The following DOCK1 variants were observed in gnomAD, a reference collection of about 807,000 sequenced individuals.
The protein encoded by DOCK1 is dedicator of cytokinesis 1, also known as dedicator of cytokinesis protein 1.
A neutral mutation model predicts 262.7 loss-of-function variants in DOCK1; 138 were observed. That is an observed-to-expected ratio of 0.53 (90% CI 0.46 to 0.61). The LOEUF is 0.61. Among genes scored for constraint, DOCK1 ranks in the 20% least tolerant of loss-of-function variants. The pLI is 0.00. For missense variants in DOCK1, 1,908 were observed against 2,370.7 expected (o/e 0.80, Z 4.05); for synonymous variants, 866 against 867.4 (o/e 1.00, Z 0.03).
intron 23 of DOCK1, among the ~76,000 whole-genome samples, chr10:127,071,047 G>GACACACTT (rs896450624): frequency 2.0e-5 from 3 of 152,108 alleles, no homozygotes; most frequent in Admixed American, 6.5e-5. Flanking sequence ...CACAGATGAT[G>GACACACTT]ACACACTTGC....
chr10:127,363,716 A>T (rs994633896), intron 33 of DOCK1, among the ~76,000 whole-genome samples: 7 of 152,174 alleles, frequency 4.6e-5, no homozygotes, highest in African/African-American at 1.4e-4. Context: ...TTCATTGGTC[A>T]TCTTCATCAT....
chr10:127,429,092 CGTGTGGATTGGGATGCT>C (rs923380550), intron 47 of DOCK1, among the ~76,000 whole-genome samples: 3 of 151,090 alleles, frequency 2.0e-5, no homozygotes, highest in East Asian at 2.0e-4. Flanking sequence ...ATTGGGGTGC[CGTGTGGATTGGGATGCT>C]GTGTGTCCTT....
At chr10:126,942,031 T>C (rs1235391207) in intron 1 of DOCK1, among the ~76,000 whole-genome samples, 1 of 151,914 alleles carries the variant, frequency 6.6e-6, no homozygotes, top group Non-Finnish European at 1.5e-5. Flanking sequence ...TTGCTCTTTT[T>C]CTTTTTTTTT....
At chr10:127,212,538 C>T (rs1429619260) in intron 27 of DOCK1, among the ~76,000 whole-genome samples, 1 of 152,060 alleles carries the variant, frequency 6.6e-6, no homozygotes, top group African/African-American at 2.4e-5. Flanking sequence ...TTGCAGACAC[C>T]TCGAATTATT....
intron 33 of DOCK1, among the ~76,000 whole-genome samples, chr10:127,365,525 T>C (rs2064857358): frequency 1.3e-5 from 2 of 152,180 alleles, no homozygotes; most frequent in Admixed American, 1.3e-4. Context: ...TTGTGAAAAA[T>C]TGCTATTAAA....
intron 23 of DOCK1, among the ~76,000 whole-genome samples, chr10:127,099,963 G>T (rs775606938): frequency 2.6e-5 from 4 of 152,178 alleles, no homozygotes. Context: ...AAGCCTCTGA[G>T]CTGGCAGAGG....
chr10:127,112,521 G>T (rs373448765), intron 25 of DOCK1, among the ~76,000 whole-genome samples: 1 of 152,166 alleles, frequency 6.6e-6, no homozygotes, highest in Non-Finnish European at 1.5e-5. Context: ...GAAGTATGCA[G>T]GATGTGAATA....
chr10:127,378,872 C>T (rs1309716480), intron 35 of DOCK1, among the ~76,000 whole-genome samples: 1 of 152,192 alleles, frequency 6.6e-6, no homozygotes. Flanking sequence ...AGTAAAGTGT[C>T]AGAGGCAACA....
At chr10:127,143,956 G>C (rs1018874738) in intron 27 of DOCK1, among the ~76,000 whole-genome samples, 1 of 152,096 alleles carries the variant, frequency 6.6e-6, no homozygotes, top group Non-Finnish European at 1.5e-5. Context: ...GACTCAGCCT[G>C]CAGCCCCCAT....
rs747882991 is a variant in DOCK1, at chr10:127,176,354, C to T, written c.2847+48590C>T. The T allele has an allele frequency of 1.3e-5, 21 of 1,613,224 alleles. No homozygotes were observed. In the Admixed American group the frequency reaches 1.7e-4, roughly 13 times the overall value. On this transcript the variant is annotated intron_variant, in intron 27 of 51. Transcript: ENST00000623213. This position sits in a 1 kb window ranked among gnomAD's most constrained non-coding sequence, Gnocchi z 4.4. Reference sequence around the variant, plus strand: ...AGGCGGCGGGTTCCACTTCACTCTCCGACGTTGTGAGTATGCATTTGCCGG... The same window carrying T: ...AGGCGGCGGGTTCCACTTCACTCTCTGACGTTGTGAGTATGCATTTGCCGG...
chr10:127,106,983 G>T (rs1267747038), intron 24 of DOCK1, among the ~76,000 whole-genome samples: 2 of 151,956 alleles, frequency 1.3e-5, no homozygotes, highest in Admixed American at 6.6e-5. Context: ...AAGAGATAGG[G>T]GTCTCACTCT....
Position 127,451,314 on chromosome 10 carries a change from C to T in DOCK1, c.5566-18C>T, listed in dbSNP as rs1358682873. ...GACATCAGTTATGTGACATCTTCCC[C>T]ATCCTCATGTTTTTTAGCATCTGCC... is the stretch of plus-strand genomic sequence containing the variant. On this transcript the variant is annotated intron_variant, in intron 51 of 51. Coordinates refer to ENST00000623213, the MANE Select transcript of DOCK1 (RefSeq NM_001290223.2). 1.3e-6 allele frequency: 2 copies of T among 1,576,528 alleles called. No homozygotes were observed. The highest frequency in any genetic ancestry group is 1.7e-6 in the Non-Finnish European group (2 of 1,161,344).
chr10:127,040,447 C>T (rs895448993), intron 19 of DOCK1, among the ~76,000 whole-genome samples: 4 of 152,124 alleles, frequency 2.6e-5, no homozygotes, highest in Non-Finnish European at 5.9e-5. Context: ...GCATGCTGGG[C>T]GTCCTCTCTC....
intron 36 of DOCK1, among the ~76,000 whole-genome samples, chr10:127,380,575 A>G (rs1365156572): frequency 6.6e-6 from 1 of 152,128 alleles, no homozygotes; most frequent in Non-Finnish European, 1.5e-5. Flanking sequence ...TCTTCCATGA[A>G]GAAGAGAAAC....
chr10:127,099,686 A>G (rs2048120790), intron 23 of DOCK1, among the ~76,000 whole-genome samples: 1 of 152,156 alleles, frequency 6.6e-6, no homozygotes, highest in Non-Finnish European at 1.5e-5. Flanking sequence ...CGAGGAAGGT[A>G]TCAAGCCATT....
intron 1 of DOCK1, among the ~76,000 whole-genome samples, chr10:126,922,725 C>T (rs567044304): frequency 2.0e-5 from 3 of 152,132 alleles, no homozygotes; most frequent in Non-Finnish European, 2.9e-5. Flanking sequence ...GGTGGTTGCA[C>T]AACATTAGGA....
intron 23 of DOCK1, among the ~76,000 whole-genome samples, chr10:127,083,587 T>C (rs2047031593): frequency 6.6e-6 from 1 of 152,270 alleles, no homozygotes; most frequent in Admixed American, 6.5e-5. Context: ...TTGAATTCTT[T>C]ATAATGGATG....
At chr10:127,110,478 A>AC (rs982895221) in intron 25 of DOCK1, 124 bp downstream of exon 25, 1 of 799,914 alleles carries the variant, frequency 1.3e-6, no homozygotes, top group African/African-American at 1.7e-5. Context: ...CTGCTGTATT[A>AC]CAAGACAGGA....
At chr10:127,048,044 C>T (rs1288534030) in intron 21 of DOCK1, among the ~76,000 whole-genome samples, 1 of 152,106 alleles carries the variant, frequency 6.6e-6, no homozygotes, top group Non-Finnish European at 1.5e-5. Context: ...GTAGAATTGC[C>T]GGGCTAAAGG....
Sources: allele counts gnomAD v4.1 joint callset (sites outside exome capture counted in the v4.1 genomes callset), GRCh38; gene constraint gnomAD v4.1.1; non-coding constraint Gnocchi (gnomAD v3.1); transcripts MANE v1.5; gene names NCBI Gene and HGNC (gene_info 2026-07-23, HGNC 2026-07-21).